The following MARCHF10 variants were observed in gnomAD, a reference collection of about 807,000 sequenced individuals.
MARCHF10 encodes probable E3 ubiquitin-protein ligase MARCHF10.
MARCHF10 carries 64 observed loss-of-function variants against 76.2 expected under a neutral mutation model. The observed-to-expected ratio is 0.84, with a 90% confidence interval of 0.69 to 1.03. MARCHF10 has a LOEUF of 1.03. Ranked by LOEUF, MARCHF10 falls within the 50% of genes least tolerant of loss-of-function variation. The probability of loss-of-function intolerance (pLI) is 0.00; values close to 1 mark genes in which losing one functional copy is unlikely to be tolerated. For synonymous variants in MARCHF10, 340 were observed against 357.5 expected (o/e 0.95, Z 0.55); for missense variants, 875 against 958.0 (o/e 0.91, Z 1.14).
chr17:62,723,631 C>T (rs115106304), intron 7 of MARCHF10, among the ~76,000 whole-genome samples: 3,833 of 143,286 alleles, frequency 0.027, 217 homozygotes, highest in African/African-American at 0.097. Flanking sequence ...GTCTTCCGAT[C>T]GAATCCTACT....
At chr17:62,702,341 G>A (rs931695114) in intron 10 of MARCHF10, among the ~76,000 whole-genome samples, 1 of 150,976 alleles carries the variant, frequency 6.6e-6, no homozygotes, top group African/African-American at 2.4e-5. Context: ...TTGAGTGAAT[G>A]CTCTCTGACA....
rs141947739 is a variant in MARCHF10, at chr17:62,718,162, A to G, written c.2214+4326T>C. ...CATCCAGACCTGTGAGGTGTGAGTT[A>G]ACATCTCTCACCTTCTACAGATAAG... On this transcript the variant is annotated intron_variant, in intron 8 of 10. Coordinates refer to ENST00000311269, the MANE Select transcript of MARCHF10 (RefSeq NM_152598.4). Among the ~76,000 whole-genome samples, 283 of 152,266 alleles carry G rather than the reference A, an allele frequency of 1.9e-3. 1 individual carries two copies. Among genetic ancestry groups the G allele is most frequent in the African/African-American group, 6.5e-3 (269 of 41,564 alleles).
intron 10 of MARCHF10, among the ~76,000 whole-genome samples, chr17:62,703,632 C>A (rs373952274): frequency 6.6e-6 from 1 of 152,216 alleles, no homozygotes; most frequent in African/African-American, 2.4e-5. Flanking sequence ...ACCTTGGGGC[C>A]GAGAGCGGCA....
intron 2 of MARCHF10, 110 bp from the exon 3 acceptor site, chr17:62,788,709 G>C (rs969673216): frequency 7.1e-7 from 1 of 1,404,500 alleles, no homozygotes; most frequent in African/African-American, 1.4e-5. Context: ...TGCATCTCCA[G>C]GTGTTCATCA....
Position 62,736,950 on chromosome 17 carries a change from G to A in MARCHF10, c.918C>T (p.Arg306=), listed in dbSNP as rs2091295419. 1 of 1,614,118 alleles carries A rather than the reference G, an allele frequency of 6.2e-7. No individual in the cohort carries two copies. Among genetic ancestry groups the A allele is most frequent in the Non-Finnish European group, 8.5e-7 (1 of 1,180,030 alleles). ...QSEECLWVGV[R]SPCSPSHHKR... The stretch of plus-strand genomic sequence containing the variant: ...TGTGATGGGAAGGAGAACAGGGTGA[G>A]CGCACACCAACCCACAGACATTCTT... Residue 306 remains arginine (R), a synonymous_variant, in exon 6 of 11, where the codon CGC becomes CGT. Coordinates refer to ENST00000311269, the MANE Select transcript of MARCHF10 (RefSeq NM_152598.4).
intron 1 of MARCHF10, among the ~76,000 whole-genome samples, chr17:62,802,007 G>A (rs2093082872): frequency 6.6e-6 from 1 of 152,210 alleles, no homozygotes; most frequent in African/African-American, 2.4e-5. Flanking sequence ...GTTACTCAGA[G>A]GGAGTTAGAT....
At position 62,797,142 on chromosome 17, in the gene MARCHF10, C is replaced by T. The variant is rs139224597; in HGVS notation, c.90+4504G>A. 4.6e-5 allele frequency among the ~76,000 whole-genome samples: 7 copies of T among 152,296 alleles called. No individual in the cohort carries two copies. The East Asian group carries it at 1.4e-3, about 29-fold the overall frequency. On this transcript the variant is annotated intron_variant, in intron 2 of 10. Coordinates refer to ENST00000311269, the MANE Select transcript of MARCHF10 (RefSeq NM_152598.4). ...TCTAAAGTTATGATAGTTATGGCTG[C>T]AAACTTGGTAAATTTACTAAAAGTC... is the stretch of plus-strand genomic sequence containing the variant.
At position 62,745,358 on chromosome 17, in the gene MARCHF10, C is replaced by T. The variant is rs143580177; in HGVS notation, c.383-830G>A. Reference sequence around the variant, plus strand: ...ACCTCAAGTGATCTACTCAGCTTGGCCTCCCAAAGTGCTGGGATTACAGGC... The same window carrying T: ...ACCTCAAGTGATCTACTCAGCTTGGTCTCCCAAAGTGCTGGGATTACAGGC... On this transcript the variant is annotated intron_variant, in intron 4 of 10. Transcript: ENST00000311269. Among the ~76,000 whole-genome samples the T allele has an allele frequency of 4.9e-3, 751 of 152,212 alleles. 8 individuals are homozygous for T. Among genetic ancestry groups the T allele is most frequent in the African/African-American group, 0.017 (721 of 41,546 alleles).
chr17:62,733,438 G>A (rs1169284557), intron 6 of MARCHF10, among the ~76,000 whole-genome samples: 4 of 152,144 alleles, frequency 2.6e-5, no homozygotes, highest in Non-Finnish European at 5.9e-5. Flanking sequence ...CCATCAGACT[G>A]GCAAATTTGA....
At chr17:62,780,237 T>G (rs2092633280) in intron 3 of MARCHF10, among the ~76,000 whole-genome samples, 3 of 152,360 alleles carry the variant, frequency 2.0e-5, no homozygotes, top group South Asian at 4.1e-4. Flanking sequence ...TAAAGTTTAA[T>G]GGCCACATGT....
chr17:62,773,065 G>A (rs534997821), intron 3 of MARCHF10, among the ~76,000 whole-genome samples: 4 of 152,006 alleles, frequency 2.6e-5, no homozygotes, highest in Admixed American at 6.6e-5. Flanking sequence ...TTCACCATGC[G>A]GCCAAAGAGG....
chr17:62,784,133 C>T (rs2092708031), intron 3 of MARCHF10, among the ~76,000 whole-genome samples: 1 of 152,250 alleles, frequency 6.6e-6, no homozygotes, highest in East Asian at 1.9e-4. Context: ...CAATAAAATA[C>T]TGGCAAAGCG....
chr17:62,728,936 T>G (rs1007666181), intron 6 of MARCHF10, among the ~76,000 whole-genome samples: 6 of 151,908 alleles, frequency 3.9e-5, no homozygotes, highest in Non-Finnish European at 5.9e-5. Flanking sequence ...GTATGAAGGG[T>G]TTTTTTGTTT....
chr17:62,705,004 T>G, intron 10 of MARCHF10: 1 of 986,868 alleles, frequency 1.0e-6, no homozygotes, highest in Non-Finnish European at 1.2e-6. Context: ...CGAACCTGTT[T>G]GCAGAGAGCC....
At chr17:62,788,966 G>A (rs912432792) in intron 2 of MARCHF10, among the ~76,000 whole-genome samples, 19 of 151,188 alleles carry the variant, frequency 1.3e-4, no homozygotes, top group African/African-American at 4.4e-4. Context: ...GGGAGGCTGA[G>A]GCAGGAGAAT....
intron 2 of MARCHF10, among the ~76,000 whole-genome samples, chr17:62,793,013 CACA>C (rs2092892652): frequency 1.3e-5 from 2 of 148,776 alleles, no homozygotes; most frequent in Non-Finnish European, 1.5e-5. Context: ...TCACCACCAC[CACA>C]ACCATCACCA....
At chr17:62,776,089 G>A (rs536230300) in intron 3 of MARCHF10, among the ~76,000 whole-genome samples, 23 of 152,294 alleles carry the variant, frequency 1.5e-4, no homozygotes, top group Non-Finnish European at 2.8e-4. Context: ...GAGTCACTGC[G>A]CTGGCCCTTA....
chr17:62,712,388 C>T lies in MARCHF10; in HGVS notation c.2215-1044G>A, dbSNP rs2089978820. The stretch of plus-strand genomic sequence containing the variant: ...CAGTGTCTCATCTGCCTTCTTCCTG[C>T]AGCAGCGCGGGTGCCACATCTTCCT... On this transcript the variant is annotated intron_variant, in intron 8 of 10. Coordinates refer to ENST00000311269, the MANE Select transcript of MARCHF10 (RefSeq NM_152598.4). This position sits in a 1 kb window ranked among gnomAD's most constrained non-coding sequence, Gnocchi z 4.2. Among the ~76,000 whole-genome samples the T allele has an allele frequency of 6.6e-6, 1 of 152,260 alleles. No individual in the cohort carries two copies. The highest frequency in any genetic ancestry group is 2.1e-4 in the South Asian group (1 of 4,834).
Position 62,715,393 on chromosome 17 carries a change from T to C in MARCHF10, c.2215-4049A>G, listed in dbSNP as rs151202578. Among the ~76,000 whole-genome samples, 1,451 of 152,370 alleles carry C rather than the reference T, an allele frequency of 9.5e-3. 9 individuals carry two copies. Among genetic ancestry groups the C allele is most frequent in the Non-Finnish European group, 0.013 (895 of 68,040 alleles). ...ACCATCATTTGTTGTCTGCCTGGCCTCTGTGGTATTTGAGTGTGTAACCTG... is the reference window on the plus strand; with the variant it reads ...ACCATCATTTGTTGTCTGCCTGGCCCCTGTGGTATTTGAGTGTGTAACCTG... On this transcript the variant is annotated intron_variant, in intron 8 of 10. Transcript: ENST00000311269.
Sources: gnomAD v4.1 joint callset for allele counts (sites outside exome capture counted in the v4.1 genomes callset) on GRCh38, gnomAD v4.1.1 for gene constraint, Gnocchi (gnomAD v3.1) non-coding constraint, MANE v1.5 for transcripts, NCBI Gene and HGNC (gene_info 2026-07-23, HGNC 2026-07-21) for gene names.